Variants in DAB1 observed in about 807,000 individuals in gnomAD.
DAB1 encodes the protein DAB adaptor protein 1.
A neutral mutation model predicts 64.6 loss-of-function variants in DAB1; 15 were observed. The observed-to-expected ratio is 0.23, with a 90% CI of 0.16 to 0.36. The LOEUF (loss-of-function observed/expected upper bound fraction) is 0.36. Among genes scored for constraint, DAB1 ranks in the 10% least tolerant of loss-of-function variants. The pLI is 1.00. For synonymous variants in DAB1, 235 were observed against 251.9 expected, an observed-to-expected ratio of 0.93 and a Z score of 0.64; for missense variants, 596 against 706.7, an observed-to-expected ratio of 0.84 and a Z score of 1.78.
At chr1:57,568,349 T>C (rs1304253295) in intron 7 of DAB1, among the ~76,000 whole-genome samples, 1 of 152,090 alleles carries the variant, frequency 6.6e-6, no homozygotes, top group African/African-American at 2.4e-5. Context: ...GCAATACCAT[T>C]CAGGACATAG....
intron 5 of DAB1, among the ~76,000 whole-genome samples, chr1:58,132,070 T>C (rs4357554): frequency 0.2 from 30,311 of 151,946 alleles, 3,165 homozygotes; most frequent in East Asian, 0.36. Flanking sequence ...AATGCCGCCT[T>C]GCAGTTTGAT....
chr1:57,315,449 G>T (rs925575946), intron 1 of DAB1, among the ~76,000 whole-genome samples: 2 of 152,144 alleles, frequency 1.3e-5, no homozygotes, highest in Non-Finnish European at 2.9e-5. Context: ...ATAGTTAGGT[G>T]GGTACGTGGG....
intron 5 of DAB1, among the ~76,000 whole-genome samples, chr1:57,895,143 G>A (rs1315930089): frequency 1.3e-5 from 2 of 152,034 alleles, no homozygotes; most frequent in Non-Finnish European, 2.9e-5. Context: ...TCCTTTTCAA[G>A]TTATAAATGA....
At chr1:58,037,509 G>C (rs1322012877) in intron 5 of DAB1, among the ~76,000 whole-genome samples, 2 of 152,192 alleles carry the variant, frequency 1.3e-5, no homozygotes, top group Admixed American at 1.3e-4. Context: ...TCTTACAGGA[G>C]TGGGAACTCC....
chr1:58,471,060 T>C (rs1174439432), intron 3 of DAB1, among the ~76,000 whole-genome samples: 34 of 152,332 alleles, frequency 2.2e-4, no homozygotes, highest in Non-Finnish European at 5.9e-5. Flanking sequence ...GGAATACTTT[T>C]AGGTGCAAGT....
intron 5 of DAB1, among the ~76,000 whole-genome samples, chr1:58,078,880 G>T (rs755569521): frequency 2.6e-5 from 4 of 152,122 alleles, no homozygotes; most frequent in Non-Finnish European, 4.4e-5. Flanking sequence ...GAATTTGGGA[G>T]ACTTGGTTTT....
At chr1:57,416,796 C>A (rs2101074811) in intron 1 of DAB1, among the ~76,000 whole-genome samples, 1 of 152,284 alleles carries the variant, frequency 6.6e-6, no homozygotes, top group Non-Finnish European at 1.5e-5. Context: ...ACTTATTGAG[C>A]ATCTACTACA....
upstream of DAB1, among the ~76,000 whole-genome samples, chr1:57,884,451 T>C (rs1194403083): frequency 1.3e-5 from 2 of 152,208 alleles, no homozygotes; most frequent in African/African-American, 4.8e-5. Context: ...TATTTTAAAA[T>C]GTTGGACTAG....
intron 8 of DAB1, among the ~76,000 whole-genome samples, chr1:57,063,499 G>A (rs1219107948): frequency 6.6e-6 from 1 of 152,134 alleles, no homozygotes; most frequent in African/African-American, 2.4e-5. Context: ...TGGAAAGTGT[G>A]GGCCTAGTAC....
At chr1:57,058,494 C>G (rs1015209346) in intron 9 of DAB1, among the ~76,000 whole-genome samples, 1 of 152,200 alleles carries the variant, frequency 6.6e-6, no homozygotes, top group South Asian at 2.1e-4. Context: ...TCGATGCTTA[C>G]TGTAATGAGG....
chr1:57,894,980 C>T (rs1044839216), intron 5 of DAB1, among the ~76,000 whole-genome samples: 13 of 151,904 alleles, frequency 8.6e-5, no homozygotes, highest in African/African-American at 3.1e-4. Context: ...CATACAGCTC[C>T]CCACAAAAGT....
At chr1:58,215,289 G>A (rs1018093522) in intron 4 of DAB1, among the ~76,000 whole-genome samples, 1 of 151,810 alleles carries the variant, frequency 6.6e-6, no homozygotes, top group Non-Finnish European at 1.5e-5. Context: ...GCTCCTTCTT[G>A]TCATTCAGGT....
chr1:57,965,188 C>T (rs1420051176), intron 5 of DAB1, among the ~76,000 whole-genome samples: 1 of 150,912 alleles, frequency 6.6e-6, no homozygotes, highest in Non-Finnish European at 1.5e-5. Flanking sequence ...AAAGTCAGAT[C>T]GTAGAGAGTG....
chr1:57,162,270 C>T (rs1398167106), intron 2 of DAB1, among the ~76,000 whole-genome samples: 1 of 152,094 alleles, frequency 6.6e-6, no homozygotes, highest in Non-Finnish European at 1.5e-5. Context: ...TTGGGAGAAG[C>T]ACAGAAGGGC....
At chr1:57,472,586 T>C (rs1279974438) in intron 7 of DAB1, among the ~76,000 whole-genome samples, 3 of 152,226 alleles carry the variant, frequency 2.0e-5, no homozygotes, top group Admixed American at 6.5e-5. Context: ...TTTGTTCCGA[T>C]CTAATTACTG....
rs7516750 is a variant in DAB1, at chr1:58,322,804, C to T, written n.309+20548G>A. The stretch of plus-strand genomic sequence containing the variant: ...ACACATGTACACGTATGTTTATTGC[C>T]GCACTATTCACAATAGCAAAGACTT... On this transcript the variant is annotated intron_variant and non_coding_transcript_variant, in intron 4 of 20. Coordinates refer to the DAB1 transcript ENST00000485760. Among the ~76,000 whole-genome samples, 52 of 152,096 alleles carry T rather than the reference C, an allele frequency of 3.4e-4. No individual in the cohort carries two copies. The South Asian group carries it at 5.0e-3, about 15-fold the overall frequency.
intron 3 of DAB1, among the ~76,000 whole-genome samples, chr1:58,486,142 C>T (rs1645572376): frequency 6.6e-6 from 1 of 152,162 alleles, no homozygotes; most frequent in Admixed American, 6.5e-5. Flanking sequence ...TTGGGCCTGA[C>T]ATAAAATACT....
At chr1:57,812,793 G>A (rs943531604) in intron 6 of DAB1, among the ~76,000 whole-genome samples, 3 of 152,136 alleles carry the variant, frequency 2.0e-5, no homozygotes, top group African/African-American at 7.2e-5. Context: ...CTCACTTGAG[G>A]CTCATACTAA....
chr1:57,368,357 T>G (rs1434766248), intron 1 of DAB1, among the ~76,000 whole-genome samples: 1 of 152,104 alleles, frequency 6.6e-6, no homozygotes, highest in Non-Finnish European at 1.5e-5. Flanking sequence ...GGCTGAAGGA[T>G]GGGGGCGGGG....
Sources: gnomAD v4.1 joint callset for allele counts (sites outside exome capture counted in the v4.1 genomes callset) on GRCh38, gnomAD v4.1.1 for gene constraint, MANE v1.5 for transcripts, NCBI Gene and HGNC (gene_info 2026-07-23, HGNC 2026-07-21) for gene names.